RPGRIP1: variants seen among roughly 807,000 people sequenced by gnomAD.
The protein encoded by RPGRIP1 is RPGR interacting protein 1, also known as X-linked retinitis pigmentosa GTPase regulator-interacting protein 1.
In RPGRIP1, 128 loss-of-function variants were observed where a neutral mutation model predicts 157.9. The observed-to-expected ratio is 0.81, with a 90% CI of 0.70 to 0.94. The LOEUF (loss-of-function observed/expected upper bound fraction) is 0.94, where lower values mean the gene tolerates loss of function less well. Among genes scored for constraint, RPGRIP1 ranks in the 40% least tolerant of loss-of-function variants. The probability of loss-of-function intolerance (pLI) is 0.00; values close to 1 mark genes in which losing one functional copy is unlikely to be tolerated. For synonymous variants in RPGRIP1, 554 were observed against 571.6 expected, an observed-to-expected ratio of 0.97 and a Z score of 0.44; for missense variants, 1,486 against 1,545.8, an observed-to-expected ratio of 0.96 and a Z score of 0.65.
chr14:21,321,124 C>G (rs1882412272), intron 12 of RPGRIP1, 135 bp from the exon 13 acceptor site: 1 of 842,596 alleles, frequency 1.2e-6, no homozygotes, highest in Non-Finnish European at 1.8e-6. Flanking sequence ...TGAAGTCATA[C>G]AGGTCCTTGT....
At chr14:21,327,044 A>T (rs1411686183) in intron 17 of RPGRIP1, among the ~76,000 whole-genome samples, 1 of 152,116 alleles carries the variant, frequency 6.6e-6, no homozygotes, top group Non-Finnish European at 1.5e-5. Context: ...GCAGTCAGAA[A>T]CAACCATATT....
At chr14:21,340,944 A>T (rs1884936739) in intron 21 of RPGRIP1, among the ~76,000 whole-genome samples, 1 of 152,120 alleles carries the variant, frequency 6.6e-6, no homozygotes, top group South Asian at 2.1e-4. Flanking sequence ...AAAAAACCAG[A>T]TTTTTCAAAA....
chr14:21,325,515 A>T (rs1302292017), intron 16 of RPGRIP1, 132 bp downstream of exon 16: 1 of 895,148 alleles, frequency 1.1e-6, no homozygotes, highest in Non-Finnish European at 1.7e-6. Flanking sequence ...CACCACAACT[A>T]GTCTGGATTA....
At position 21,287,947 on chromosome 14, in the gene RPGRIP1, G is replaced by T; in HGVS notation, c.-30G>T. ...CTTTTCCTTTATTTCAGTGTCCTCT[G>T]GGATCTCTTACAGCTTGGGAACAGA... On this transcript the variant is annotated 5_prime_UTR_variant, in exon 2 of 25. Coordinates refer to ENST00000400017, the MANE Select transcript of RPGRIP1 (RefSeq NM_020366.4). 6.6e-7 allele frequency: 1 copy of T among 1,506,988 alleles called. No homozygotes were observed. The highest frequency in any genetic ancestry group is 9.2e-7 in the Non-Finnish European group (1 of 1,086,058). The allele number at this position is 1,506,988 out of a possible 1,614,324, so 93.4% of individuals were successfully genotyped here. A position where few individuals can be genotyped will look rare whatever the true frequency, so the allele number is the denominator to read the frequency against.
At chr14:21,284,147 C>T (rs996201320) in intron 1 of RPGRIP1, among the ~76,000 whole-genome samples, 3 of 152,138 alleles carry the variant, frequency 2.0e-5, no homozygotes, top group Non-Finnish European at 4.4e-5. Context: ...GCCCGGAAAG[C>T]AGATCAATAC....
chr14:21,286,821 G>A (rs368252743), intron 1 of RPGRIP1, among the ~76,000 whole-genome samples: 4 of 151,984 alleles, frequency 2.6e-5, no homozygotes, highest in African/African-American at 9.6e-5. Flanking sequence ...TGAAGCTGGA[G>A]ACAAAAATTT....
At chr14:21,313,318 A>C (rs192943416) in intron 10 of RPGRIP1, among the ~76,000 whole-genome samples, 224 of 149,808 alleles carry the variant, frequency 1.5e-3, no homozygotes, top group African/African-American at 5.4e-3. Flanking sequence ...TCTGGGCAAT[A>C]TAGTGAGACC....
rs145791514 is a variant in RPGRIP1 at position 21,349,519 on chromosome 14, C to T, written c.3748+1217C>T. Among the ~76,000 whole-genome samples the T allele has an allele frequency of 8.8e-3, 1,326 of 151,148 alleles. 10 individuals carry two copies. Among genetic ancestry groups the T allele is most frequent in the African/African-American group, 0.027 (1,126 of 41,144 alleles). ...TCTTAATCAAGCGATTTTCCTGCCT[C>T]AGCCTCCCTAGTAGCTGGGATTACA... is the stretch of plus-strand genomic sequence containing the variant. On this transcript the variant is annotated intron_variant, in intron 24 of 24. Transcript: ENST00000400017.
At chr14:21,347,787 G>T (rs1000126550) in intron 23 of RPGRIP1, among the ~76,000 whole-genome samples, 5 of 152,088 alleles carry the variant, frequency 3.3e-5, no homozygotes, top group Non-Finnish European at 7.4e-5. Context: ...GAAGTGCAGT[G>T]GCATGAACAC....
At chr14:21,301,452 T>A (rs1881024788) in intron 4 of RPGRIP1, among the ~76,000 whole-genome samples, 1 of 151,940 alleles carries the variant, frequency 6.6e-6, no homozygotes, top group South Asian at 2.1e-4. Context: ...GAGGGCAGAA[T>A]CAGACAACAG....
intron 1 of RPGRIP1, among the ~76,000 whole-genome samples, chr14:21,281,142 C>A (rs1019962587): frequency 6.6e-6 from 1 of 151,718 alleles, no homozygotes; most frequent in South Asian, 2.1e-4. Flanking sequence ...CTCAACCTCC[C>A]GAGTAGCTGG....
chr14:21,304,447 T>C (rs988850843), intron 6 of RPGRIP1, among the ~76,000 whole-genome samples: 1 of 137,472 alleles, frequency 7.3e-6, no homozygotes, highest in East Asian at 2.9e-4. Context: ...AAGAAAGAAA[T>C]TAACCTAAAG....
At chr14:21,298,865 G>A (rs1186556981) in intron 3 of RPGRIP1, among the ~76,000 whole-genome samples, 4 of 148,458 alleles carry the variant, frequency 2.7e-5, no homozygotes, top group East Asian at 2.0e-4. Context: ...TCTTGAACCC[G>A]GGAGGCTGAG....
intron 16 of RPGRIP1, 83 bp from the exon 17 acceptor site, chr14:21,325,748 T>TC: frequency 9.9e-7 from 1 of 1,011,928 alleles, no homozygotes; most frequent in Non-Finnish European, 1.5e-6. Context: ...AGATCATAGC[T>TC]CTTCCTCACC....
chr14:21,300,846 T>A, intron 3 of RPGRIP1, 120 bp from the exon 4 acceptor site: 1 of 1,184,548 alleles, frequency 8.4e-7, no homozygotes. Context: ...TAAAGTGTGG[T>A]TAATAGATCA....
intron 24 of RPGRIP1, among the ~76,000 whole-genome samples, chr14:21,350,209 C>T (rs1028170946): frequency 1.3e-5 from 2 of 151,984 alleles, no homozygotes; most frequent in African/African-American, 4.8e-5. Flanking sequence ...AACCCCATCT[C>T]TACTAAAAAT....
At position 21,308,956 on chromosome 14, in the gene RPGRIP1, G is replaced by T. The variant is rs140988109; in HGVS notation, c.906+1120G>T. ...TCTACACACGTGGGGATATGTGGGG[G>T]TGGCCATGTTGCCAGGTACAGGTCG... On this transcript the variant is annotated intron_variant, in intron 7 of 24. Transcript: ENST00000400017. 7.3e-3 allele frequency among the ~76,000 whole-genome samples: 1,111 copies of T among 152,288 alleles called. 13 individuals are homozygous for T. The highest frequency in any genetic ancestry group is 0.024 in the African/African-American group (987 of 41,574).
intron 3 of RPGRIP1, among the ~76,000 whole-genome samples, chr14:21,300,305 CAA>C (rs35287014): frequency 8.1e-5 from 8 of 98,190 alleles, no homozygotes; most frequent in Admixed American, 1.0e-4. Context: ...AAGTCCGTCT[CAA>C]AAAAAAAAAA....
chr14:21,344,443 C>T (rs1232145880), intron 22 of RPGRIP1, among the ~76,000 whole-genome samples: 1 of 152,178 alleles, frequency 6.6e-6, no homozygotes, highest in Non-Finnish European at 1.5e-5. Context: ...ATTACTGCTG[C>T]TCATGGAGAA....
Sources: allele counts gnomAD v4.1 joint callset (sites outside exome capture counted in the v4.1 genomes callset), GRCh38; gene constraint gnomAD v4.1.1; transcripts MANE v1.5; gene names NCBI Gene and HGNC (gene_info 2026-07-23, HGNC 2026-07-21).